Variants in FKBP5 observed in about 807,000 individuals in gnomAD.
FKBP5 encodes the protein FKBP prolyl isomerase 5.
A neutral mutation model predicts 50.5 loss-of-function variants in FKBP5; 23 were observed. That is an observed-to-expected ratio of 0.46 (90% CI 0.33 to 0.65). The LOEUF (loss-of-function observed/expected upper bound fraction) is 0.65. Among genes scored for constraint, FKBP5 ranks in the 30% least tolerant of loss-of-function variants. FKBP5 has a pLI of 0.02. For missense variants in FKBP5, 411 were observed against 553.1 expected (o/e 0.74, Z 2.58); for synonymous variants, 176 against 190.6 (o/e 0.92, Z 0.63).
chr6:35,631,547 G>A (rs914229193), intron 3 of FKBP5, among the ~76,000 whole-genome samples: 1 of 152,002 alleles, frequency 6.6e-6, no homozygotes, highest in African/African-American at 2.4e-5. Flanking sequence ...ATACTTAAAA[G>A]GGTAAACTTT....
chr6:35,632,290 A>G (rs918338628), intron 3 of FKBP5, among the ~76,000 whole-genome samples: 2 of 152,198 alleles, frequency 1.3e-5, no homozygotes, highest in Non-Finnish European at 2.9e-5. Flanking sequence ...CCTGGGGCTA[A>G]GCAAGATGGC....
chr6:35,594,146 A>G (rs1432430552), intron 6 of FKBP5, among the ~76,000 whole-genome samples: 1 of 151,912 alleles, frequency 6.6e-6, no homozygotes. Context: ...CTTGAGCCCA[A>G]GAGTTTGAGA....
At chr6:35,694,396 C>G (rs1382930844) in intron 2 of FKBP5, among the ~76,000 whole-genome samples, 1 of 152,158 alleles carries the variant, frequency 6.6e-6, no homozygotes, top group Non-Finnish European at 1.5e-5. Context: ...ATCCTCTTGC[C>G]TCGGCCTTCC....
intron 5 of FKBP5, among the ~76,000 whole-genome samples, chr6:35,611,944 C>T (rs899504018): frequency 6.6e-6 from 1 of 152,032 alleles, no homozygotes; most frequent in Admixed American, 6.6e-5. Flanking sequence ...GTTATTCTTT[C>T]CCCGGAACCT....
intron 1 of FKBP5, among the ~76,000 whole-genome samples, chr6:35,670,531 C>T (rs1014083972): frequency 2.0e-5 from 3 of 151,472 alleles, no homozygotes. Context: ...GTTAGAAGTT[C>T]GCCCTGGCCA....
intron 1 of FKBP5, chr6:35,651,799 A>T: frequency 2.9e-6 from 1 of 349,232 alleles, no homozygotes; most frequent in Non-Finnish European, 4.4e-6. Flanking sequence ...TATTTAATGC[A>T]CAAAATTATT....
In FKBP5 at chr6:35,597,265, AAT is replaced by A; in HGVS notation, c.646_647del (p.Ile216PhefsTer16). 2 of 1,613,986 alleles carry A rather than the reference AAT, an allele frequency of 1.2e-6. No homozygotes were observed. The highest frequency in any genetic ancestry group is 1.7e-6 in the Non-Finnish European group (2 of 1,179,970). Reference sequence around the variant, plus strand: ...CTGCTTACCTTGGTCCAAGATATAAAATACATTGTTCTTCCCGCTGCATTTTC... The same window carrying A: ...CTGCTTACCTTGGTCCAAGATATAAAACATTGTTCTTCCCGCTGCATTTTC... ...LEKMQREEQCILYLGPRYGFG... is the reference protein window; with the variant it reads ...LEKMQREEQCXLYLGPRYGFG... On this transcript the variant is annotated frameshift_variant, in exon 6 of 11. Coordinates refer to ENST00000357266, the MANE Select transcript of FKBP5 (RefSeq NM_004117.4). LOFTEE classifies it high-confidence loss of function.
intron 2 of FKBP5, among the ~76,000 whole-genome samples, chr6:35,699,784 C>T (rs1038154937): frequency 1.3e-5 from 2 of 152,148 alleles, no homozygotes; most frequent in Non-Finnish European, 1.5e-5. Flanking sequence ...TGGTGGCTCA[C>T]GCCTGTTATC....
intron 3 of FKBP5, among the ~76,000 whole-genome samples, chr6:35,634,300 G>A (rs542846729): frequency 6.6e-5 from 10 of 152,238 alleles, no homozygotes; most frequent in African/African-American, 2.4e-4. Flanking sequence ...TGGCAGCCCT[G>A]GAGGTTCATA....
chr6:35,689,721 C>T (rs1287705283), upstream of FKBP5, among the ~76,000 whole-genome samples: 2 of 152,064 alleles, frequency 1.3e-5, no homozygotes, highest in Non-Finnish European at 2.9e-5. Context: ...CGCGCCGTCC[C>T]AGCTACTCGG....
chr6:35,594,872 T>C (rs1300434992), intron 6 of FKBP5, among the ~76,000 whole-genome samples: 1 of 152,228 alleles, frequency 6.6e-6, no homozygotes, highest in Admixed American at 6.5e-5. Context: ...TACCTAGAAA[T>C]TTATGAAAAC....
intron 1 of FKBP5, among the ~76,000 whole-genome samples, chr6:35,666,341 G>A (rs1224878194): frequency 9.8e-6 from 1 of 102,082 alleles, no homozygotes; most frequent in Non-Finnish European, 1.9e-5. Context: ...ATAACCTGTA[G>A]ATATTCTCAC....
At chr6:35,725,640 A>C (rs1766693313) in intron 1 of FKBP5, among the ~76,000 whole-genome samples, 1 of 152,018 alleles carries the variant, frequency 6.6e-6, no homozygotes, top group Non-Finnish European at 1.5e-5. Flanking sequence ...TTCTTGATCC[A>C]TGGGGAGTTG....
chr6:35,581,274 AATATATATATAAT>A (rs1699874535), intron 8 of FKBP5: 2 of 435,582 alleles, frequency 4.6e-6, no homozygotes, highest in Non-Finnish European at 6.0e-6. Context: ...AAACATATAT[AATATATATATAAT>A]ATATATATAT....
chr6:35,576,453 C>T (rs1332412037), intron 10 of FKBP5, among the ~76,000 whole-genome samples: 1 of 152,076 alleles, frequency 6.6e-6, no homozygotes, highest in Non-Finnish European at 1.5e-5. Context: ...AGGAGGAACC[C>T]TTGAAGCCAG....
At chr6:35,706,814 A>G (rs1766325914) in intron 2 of FKBP5, among the ~76,000 whole-genome samples, 1 of 152,216 alleles carries the variant, frequency 6.6e-6, no homozygotes, top group Non-Finnish European at 1.5e-5. Flanking sequence ...AGACAATTTG[A>G]TCATCAGTAG....
intron 1 of FKBP5, among the ~76,000 whole-genome samples, chr6:35,648,189 C>A (rs904749054): frequency 2.0e-5 from 3 of 152,146 alleles, no homozygotes; most frequent in African/African-American, 7.2e-5. Context: ...TGGTTGAGAA[C>A]CACTGGACAT....
intron 2 of FKBP5, among the ~76,000 whole-genome samples, chr6:35,696,552 G>A (rs1237016546): frequency 6.6e-6 from 1 of 151,930 alleles, no homozygotes; most frequent in African/African-American, 2.4e-5. Flanking sequence ...CTGTGTTTAT[G>A]GATTAAGTAA....
chr6:35,649,941 A>G (rs1764748329), intron 1 of FKBP5, among the ~76,000 whole-genome samples: 1 of 152,250 alleles, frequency 6.6e-6, no homozygotes, highest in Non-Finnish European at 1.5e-5. Context: ...AATGCATACT[A>G]TAAAAATATA....
Sources: allele counts gnomAD v4.1 joint callset (sites outside exome capture counted in the v4.1 genomes callset), GRCh38; gene constraint gnomAD v4.1.1; transcripts MANE v1.5; gene names NCBI Gene and HGNC (gene_info 2026-07-23, HGNC 2026-07-21).